Variants in KIF11 observed in about 807,000 individuals in gnomAD.
KIF11 encodes kinesin-like protein KIF11.
In KIF11, 9 loss-of-function variants were observed where a neutral mutation model predicts 121.0. The observed-to-expected ratio is 0.07, with a 90% CI of 0.04 to 0.13. The LOEUF (loss-of-function observed/expected upper bound fraction) is 0.13. Ranked by LOEUF, KIF11 falls within the 10% of genes least tolerant of loss-of-function variation. The pLI is 1.00. For missense variants in KIF11, 846 were observed against 1,217.5 expected, an observed-to-expected ratio of 0.69 and a Z score of 4.54; for synonymous variants, 408 against 421.0, an observed-to-expected ratio of 0.97 and a Z score of 0.38.
At chr10:92,607,712 G>A (rs1315163164) in intron 4 of KIF11, among the ~76,000 whole-genome samples, 2 of 152,138 alleles carry the variant, frequency 1.3e-5, no homozygotes, top group African/African-American at 4.8e-5. Flanking sequence ...ATGAATTTAA[G>A]TGAGTTTAAT....
chr10:92,635,236 A>C (rs993061859), intron 14 of KIF11, among the ~76,000 whole-genome samples: 1 of 152,194 alleles, frequency 6.6e-6, no homozygotes, highest in African/African-American at 2.4e-5. Flanking sequence ...ATTATTTGAT[A>C]GGTTTTCTCA....
At chr10:92,648,173 T>C in intron 18 of KIF11, 39 bp from the exon 19 acceptor site, 1 of 1,369,534 alleles carries the variant, frequency 7.3e-7, no homozygotes, top group Non-Finnish European at 1.0e-6. Context: ...ACTGGCAACT[T>C]TAATTTTAGT....
intron 14 of KIF11, 92 bp downstream of exon 14, chr10:92,633,887 A>G (rs1844764912): frequency 2.4e-6 from 2 of 817,980 alleles, no homozygotes; most frequent in Non-Finnish European, 3.9e-6. Context: ...AAGTCTTTAT[A>G]AACAATGTTA....
chr10:92,617,429 T>C (rs1844568396), intron 9 of KIF11, among the ~76,000 whole-genome samples: 1 of 152,242 alleles, frequency 6.6e-6, no homozygotes, highest in Admixed American at 6.5e-5. Context: ...TAGTATTCAA[T>C]TATATGCTGA....
At chr10:92,628,685 A>G in intron 10 of KIF11, 123 bp from the exon 11 acceptor site, 2 of 531,424 alleles carry the variant, frequency 3.8e-6, no homozygotes, top group Non-Finnish European at 6.8e-6. Flanking sequence ...ACACTTGGGT[A>G]TCAAGTGATG....
intron 1 of KIF11, chr10:92,597,065 G>T: frequency 2.7e-6 from 1 of 372,588 alleles, no homozygotes; most frequent in Non-Finnish European, 5.4e-6. Context: ...CTGAGAAGTT[G>T]TTCTTTCTTG....
chr10:92,637,465 A>G lies in KIF11; in HGVS notation c.2080A>G (p.Ile694Val). The G allele has an allele frequency of 6.2e-7, 1 of 1,607,616 alleles. No homozygotes were observed. Among genetic ancestry groups the G allele is most frequent in the Non-Finnish European group, 8.5e-7 (1 of 1,178,624 alleles). ...TCTACATGAACTACAAGAAAATACCATTTGTTCCTTGGTTGAGTCACAAAA... is the reference window on the plus strand; with the variant it reads ...TCTACATGAACTACAAGAAAATACCGTTTGTTCCTTGGTTGAGTCACAAAA... Reference protein sequence around the residue: ...NNLHELQENTICSLVESQKQC... With the variant: ...NNLHELQENTVCSLVESQKQC... The change falls in exon 16 of 22, where the codon ATT (isoleucine) becomes GTT (valine). Residue 694 changes from isoleucine (I) to valine (V), a missense_variant. By Grantham distance (29) the Ile-to-Val change is conservative (BLOSUM62 3). Around this residue, in one of 5 missense-constraint regions of KIF11, gnomAD observed 492 missense variants for 603.4 expected, o/e 0.82. Transcript: ENST00000260731.
intron 1 of KIF11, among the ~76,000 whole-genome samples, chr10:92,602,505 T>C (rs146588609): frequency 1.3e-5 from 2 of 152,274 alleles, no homozygotes; most frequent in Non-Finnish European, 2.9e-5. Flanking sequence ...ATTGTGTTTC[T>C]AGGAATTTGT....
In KIF11 at chr10:92,653,909, C is replaced by A; in HGVS notation, c.*113C>A. On this transcript the variant is annotated 3_prime_UTR_variant, in exon 22 of 22. Transcript: ENST00000260731. ...TAAAAGAATATATATATCAGCCGGG[C>A]GCGGTGGCTCATGCCTGTAATCCCA... The A allele has an allele frequency of 1.1e-6, 1 of 916,028 alleles. No individual in the cohort carries two copies. The highest frequency in any genetic ancestry group is 1.6e-6 in the Non-Finnish European group (1 of 627,476). The allele number at this position is 916,028 out of a possible 1,614,324, so 56.7% of individuals were successfully genotyped here.
In KIF11 at chr10:92,637,318, T is replaced by C. The variant is rs1464446075; in HGVS notation, c.2001+9T>C. 1.9e-6 allele frequency: 3 copies of C among 1,590,244 alleles called. No individual in the cohort carries two copies. The South Asian group carries it at 3.5e-5, about 19-fold the overall frequency. ...TGACAGTGGCCGATAAGGTAACAAA[T>C]GCTATGTTCTTAATATCTCAAAATT... On this transcript the variant is annotated intron_variant, in intron 15 of 21. Coordinates refer to ENST00000260731, the MANE Select transcript of KIF11 (RefSeq NM_004523.4).
At chr10:92,630,605 C>T (rs945975863) in intron 12 of KIF11, among the ~76,000 whole-genome samples, 64 of 152,286 alleles carry the variant, frequency 4.2e-4, no homozygotes, top group African/African-American at 1.5e-3. Context: ...TGGTGGCTCA[C>T]GCCTATAATC....
intron 19 of KIF11, 36 bp downstream of exon 19, chr10:92,648,470 T>G: frequency 1.5e-5 from 21 of 1,366,878 alleles, no homozygotes; most frequent in Non-Finnish European, 2.1e-5. Flanking sequence ...TTAAATTTTT[T>G]GAAGTCGAAT....
intron 1 of KIF11, among the ~76,000 whole-genome samples, chr10:92,605,215 C>T (rs1844415129): frequency 2.6e-5 from 4 of 152,056 alleles, no homozygotes; most frequent in South Asian, 2.1e-4. Context: ...TTGATCCAGT[C>T]GGCAGTGTAG....
chr10:92,632,733 G>A (rs770048762), intron 13 of KIF11, 40 bp downstream of exon 13: 1 of 1,267,320 alleles, frequency 7.9e-7, no homozygotes, highest in South Asian at 1.5e-5. Context: ...GATGTGTTAA[G>A]TGTAATGTTG....
At chr10:92,641,095 C>T (rs535236892) in intron 17 of KIF11, among the ~76,000 whole-genome samples, 33 of 152,230 alleles carry the variant, frequency 2.2e-4, no homozygotes, top group Non-Finnish European at 3.4e-4. Context: ...TTGCCAGTTC[C>T]GCATACTTAA....
Position 92,632,564 on chromosome 10 carries a change from C to G in KIF11, c.1573C>G (p.Gln525Glu). 2 of 1,613,206 alleles carry G rather than the reference C, an allele frequency of 1.2e-6. No individual in the cohort carries two copies. Among genetic ancestry groups the G allele is most frequent in the Non-Finnish European group, 1.7e-6 (2 of 1,179,302 alleles). ...SKLDRKKAVD[Q>E]HNAEAQDIFG... Reference sequence around the variant, plus strand: ...ACTGGATCGTAAGAAGGCAGTTGACCAACACAATGCAGAAGCTCAGGATAT... The same window carrying G: ...ACTGGATCGTAAGAAGGCAGTTGACGAACACAATGCAGAAGCTCAGGATAT... The change falls in exon 13 of 22, where the codon CAA becomes GAA. Residue 525 changes from glutamine to glutamate, a missense_variant. Gln to Glu is a conservative substitution (Grantham distance 29). Around this residue, in one of 5 missense-constraint regions of KIF11, gnomAD observed 492 missense variants for 603.4 expected, o/e 0.82. Coordinates refer to ENST00000260731, the MANE Select transcript of KIF11 (RefSeq NM_004523.4).
At chr10:92,623,729 A>T (rs1389627564) in intron 10 of KIF11, among the ~76,000 whole-genome samples, 1 of 152,174 alleles carries the variant, frequency 6.6e-6, no homozygotes, top group African/African-American at 2.4e-5. Flanking sequence ...CTTTAGAAGT[A>T]AAAAATAATT....
chr10:92,647,355 C>T (rs1215171919), intron 18 of KIF11, among the ~76,000 whole-genome samples: 2 of 152,004 alleles, frequency 1.3e-5, no homozygotes, highest in African/African-American at 4.8e-5. Context: ...TTGCCTGAGA[C>T]AGTCCTTGTT....
chr10:92,606,521 A>C (rs1220646706), intron 2 of KIF11, 98 bp from the exon 3 acceptor site: 9 of 1,124,518 alleles, frequency 8.0e-6, no homozygotes, highest in African/African-American at 1.6e-5. Flanking sequence ...GATGGCTTCT[A>C]GTGGGCTGAA....
Sources: gnomAD v4.1 joint callset for allele counts (sites outside exome capture counted in the v4.1 genomes callset) on GRCh38, gnomAD v4.1.1 for gene constraint, gnomAD v4.1.1 regional missense constraint, MANE v1.5 for transcripts, NCBI Gene and HGNC (gene_info 2026-07-23, HGNC 2026-07-21) for gene names.